Variants in EPPK1 observed in about 807,000 individuals in gnomAD.
EPPK1 encodes the protein epiplakin 1, also known as epiplakin.
For synonymous variants in EPPK1, 1,862 were observed against 1,721.2 expected (o/e 1.08, Z -2.03); for missense variants, 3,823 against 3,673.3 (o/e 1.04, Z -1.05).
At chr8:143,875,965 C>T (rs1218929499) in intron 1 of EPPK1, among the ~76,000 whole-genome samples, 1 of 152,138 alleles carries the variant, frequency 6.6e-6, no homozygotes, top group Non-Finnish European at 1.5e-5. Context: ...CCCCCACTGA[C>T]CTATGATGGA....
upstream of EPPK1, among the ~76,000 whole-genome samples, chr8:143,878,841 C>T (rs116641507): frequency 4.7e-3 from 709 of 152,244 alleles, 8 homozygotes; most frequent in African/African-American, 0.016. Context: ...CAGCCCCGAC[C>T]CCACCTTGTC....
chr8:143,878,395 C>CCCGCACCCG (rs71318630), intron 1 of EPPK1, 43 bp downstream of exon 1: 38,715 of 82,126 alleles, frequency 0.47, 10,695 homozygotes, highest in Non-Finnish European at 0.52. Flanking sequence ...GCCGCACCTG[C>CCCGCACCCG]CCGCACCCGC....
intron 1 of EPPK1, 104 bp from the exon 2 acceptor site, chr8:143,873,402 AC>A (rs1415988188): frequency 5.0e-6 from 4 of 804,354 alleles, no homozygotes; most frequent in Non-Finnish European, 7.1e-6. Context: ...GCTGGGCTCC[AC>A]CCACAGACGT....
intron 1 of EPPK1, among the ~76,000 whole-genome samples, chr8:143,878,202 G>T (rs1336216402): frequency 1.1e-4 from 17 of 150,274 alleles, no homozygotes; most frequent in African/African-American, 4.1e-4. Context: ...CGCCACTTCG[G>T]ACTCGGAGCT....
rs782675374 is a variant in EPPK1, at chr8:143,871,043, G to A, written c.2211C>T (p.Arg737=). 4.2e-5 allele frequency: 67 copies of A among 1,613,008 alleles called. No homozygotes were observed. Among genetic ancestry groups the A allele is most frequent in the Non-Finnish European group, 5.2e-5 (61 of 1,179,984 alleles). Residue 737 remains arginine (R), a synonymous_variant, in exon 2 of 2, where the codon CGC becomes CGT. Coordinates refer to ENST00000615648, the MANE Select transcript of EPPK1 (RefSeq NM_031308.4). The part of the protein sequence containing the change: ...GGVIDPVHSH[R]VPVDVAYRRG... Reference sequence around the variant, plus strand: ...GCCGGTAGGCCACGTCCACGGGCACGCGGTGGCTGTGCACGGGGTCGATGA... The same window carrying A: ...GCCGGTAGGCCACGTCCACGGGCACACGGTGGCTGTGCACGGGGTCGATGA...
chr8:143,870,595 C>T lies in EPPK1; in HGVS notation c.2659G>A (p.Val887Ile), dbSNP rs782207092. 3.4e-5 allele frequency: 55 copies of T among 1,608,648 alleles called. 1 individual carries two copies. The South Asian group carries it at 5.6e-4, about 17-fold the overall frequency. Residue 887 changes from valine (V) to isoleucine (I), a missense_variant, in exon 2 of 2, where the codon GTC becomes ATC. Coordinates refer to ENST00000615648, the MANE Select transcript of EPPK1 (RefSeq NM_031308.4). This position sits in a 1 kb window ranked among gnomAD's most constrained non-coding sequence, Gnocchi z 5.2. ...DIMLPALRSR[V>I]TVHQLLEAGI... ...GCCTCCAGGAGCTGGTGGACGGTGA[C>T]CCGGCTCCGCAGTGCGGGCAGCATG...
chr8:143,871,763 G>A lies in EPPK1; in HGVS notation c.1491C>T (p.Thr497=), dbSNP rs555306831. 28 of 1,610,734 alleles carry A rather than the reference G, an allele frequency of 1.7e-5. No individual in the cohort carries two copies. The highest frequency in any genetic ancestry group is 5.0e-5 in the Admixed American group (3 of 59,932). Residue 497 remains threonine (T), a synonymous_variant, in exon 2 of 2, where the codon ACC becomes ACT. Transcript: ENST00000615648. ...GGCCCCGGAACTTCCCCACAGAGAC[G>A]GTGGCTGTGGCCGTGCTCAGGGCCT... ...TRQALSTATA[T]VSVGKFRGRP...
In EPPK1 at chr8:143,871,651, TC is replaced by T; in HGVS notation, c.1602del (p.Thr535ProfsTer11). ...GCGGCCAGCTTCTCCACGGAGAGGG[TC>T]CCTTCCTGGTACTGCTGGGCCAGCA... ...RAMLAQQYQE[G>X]TLSVEKLAAK... is the part of the protein sequence containing the mutation. On this transcript the variant is annotated frameshift_variant, in exon 2 of 2. Transcript: ENST00000615648. LOFTEE classifies it low-confidence loss of function (END_TRUNC). The T allele has an allele frequency of 6.2e-7, 1 of 1,602,418 alleles. No individual in the cohort carries two copies. Among genetic ancestry groups the T allele is most frequent in the Non-Finnish European group, 8.5e-7 (1 of 1,176,216 alleles).
rs373279236 is a variant in EPPK1, at chr8:143,869,762, G to A, written c.3492C>T (p.Asp1164=). The change falls in exon 2 of 2, where the codon GAC becomes GAT. Residue 1164 remains aspartate, a synonymous_variant. Coordinates refer to ENST00000615648, the MANE Select transcript of EPPK1 (RefSeq NM_031308.4). ...GCACAGTGGTCCTCCCCTCCTGCAC[G>A]TCCTCCAGCAGGCCCCTCCGTTGCT... ...TEEQRRGLLE[D]VQEGRTTVPQ... 406 of 1,602,906 alleles carry A rather than the reference G, an allele frequency of 2.5e-4. 1 individual carries two copies. Among genetic ancestry groups the A allele is most frequent in the Admixed American group, 5.8e-4 (34 of 58,798 alleles).
rs782165365 is a variant in EPPK1, at chr8:143,872,617, G to A, written c.637C>T (p.Gln213Ter). The A allele has an allele frequency of 3.1e-6, 5 of 1,610,466 alleles. No individual in the cohort carries two copies. The South Asian group carries it at 4.4e-5, about 14-fold the overall frequency. Residue 213 changes from glutamine (Q) to a stop codon, truncating the protein, a stop_gained, in exon 2 of 2, where the codon CAG becomes TAG. Transcript: ENST00000615648. LOFTEE classifies it low-confidence loss of function (END_TRUNC). ...PNTLERLTYH[Q>*]LLERCVRAPG... ...GCACGCACACACCTTTCCAGCAGCTGGTGGTATGTCAGCCGCTCCAGCGTG... is the reference window on the plus strand; with the variant it reads ...GCACGCACACACCTTTCCAGCAGCTAGTGGTATGTCAGCCGCTCCAGCGTG...
rs533349686 is a variant in EPPK1 at position 143,867,028 on chromosome 8, CT to C, written c.6225del (p.Glu2076ArgfsTer10). On this transcript the variant is annotated frameshift_variant, in exon 2 of 2. Coordinates refer to ENST00000615648, the MANE Select transcript of EPPK1 (RefSeq NM_031308.4). LOFTEE classifies it low-confidence loss of function (END_TRUNC). ...GGGAACAGCAGCCAGCCCGTGTCCT[CT>C]TGTGGGCGGCACCTCTCCTGCAGCT... ...YRELQERCRPQEDTGWLLFPV... is the reference protein window; with the variant it reads ...YRELQERCRPXEDTGWLLFPV... 1.2e-6 allele frequency: 2 copies of C among 1,612,854 alleles called. No homozygotes were observed. The highest frequency in any genetic ancestry group is 2.2e-5 in the South Asian group (2 of 91,070).
chr8:143,857,796 T>C lies in EPPK1; in HGVS notation c.*191A>G, dbSNP rs551380903. On this transcript the variant is annotated 3_prime_UTR_variant, in exon 2 of 2. Coordinates refer to ENST00000615648, the MANE Select transcript of EPPK1 (RefSeq NM_031308.4). ...CCCAGAAAACACACCAAAAAACTTA[T>C]GAAACACCTCGATGGACAAAGGAAA... 8 of 505,568 alleles carry C rather than the reference T, an allele frequency of 1.6e-5. No individual in the cohort carries two copies. The East Asian group carries it at 2.2e-4, about 14-fold the overall frequency. 31.3% of individuals were successfully genotyped at this position (505,568 alleles called of 1,614,324 possible).
At position 143,872,873 on chromosome 8, in the gene EPPK1, G is replaced by A. The variant is rs781861454; in HGVS notation, c.381C>T (p.Gly127=). Residue 127 remains glycine, a synonymous_variant, in exon 2 of 2, where the codon GGC becomes GGT. Coordinates refer to ENST00000615648, the MANE Select transcript of EPPK1 (RefSeq NM_031308.4). ...RATTGYPDPY[G]GEKLALFQAI... ...CCTGAAAGAGGGCCAGCTTCTCACC[G>A]CCGTAGGGGTCAGGATAGCCCGTAG... The A allele has an allele frequency of 2.1e-5, 33 of 1,582,498 alleles. No individual in the cohort carries two copies. Among genetic ancestry groups the A allele is most frequent in the East Asian group, 2.0e-4 (9 of 44,560 alleles).
chr8:143,867,675 A>G lies in EPPK1; in HGVS notation c.5579T>C (p.Phe1860Ser). Residue 1860 changes from phenylalanine to serine, a missense_variant, in exon 2 of 2, where the codon TTC becomes TCC. By Grantham distance (155) the Phe-to-Ser change is radical (BLOSUM62 -2). Transcript: ENST00000615648. ...IRGEVTAADL[F>S]NSRVIDQKTL... ...CTTCTGATCGATGACCCTGGAGTTGAACAGGTCTGCAGCTGTCACCTCCCC... is the reference window on the plus strand; with the variant it reads ...CTTCTGATCGATGACCCTGGAGTTGGACAGGTCTGCAGCTGTCACCTCCCC... 6.2e-7 allele frequency: 1 copy of G among 1,613,500 alleles called. No individual in the cohort carries two copies. Among genetic ancestry groups the G allele is most frequent in the Non-Finnish European group, 8.5e-7 (1 of 1,179,848 alleles).
chr8:143,867,405 G>A lies in EPPK1; in HGVS notation c.5849C>T (p.Ser1950Phe), dbSNP rs781882643. 1.6e-5 allele frequency: 26 copies of A among 1,612,752 alleles called. No individual in the cohort carries two copies. In the African/African-American group the frequency reaches 3.2e-4, roughly 20 times the overall value. ...LLDPCTRQKL[S>F]VDEAVDVGLV... ...GCCCACATCCACAGCCTCATCCACA[G>A]AGAGCTTCTGGCGGGTGCAGGGGTC... The change falls in exon 2 of 2, where the codon TCT becomes TTT. Residue 1950 changes from serine to phenylalanine, a missense_variant. Coordinates refer to ENST00000615648, the MANE Select transcript of EPPK1 (RefSeq NM_031308.4).
In EPPK1 at chr8:143,871,366, G is replaced by A. The variant is rs782377478; in HGVS notation, c.1888C>T (p.Arg630Ter). 78 of 1,608,296 alleles carry A rather than the reference G, an allele frequency of 4.8e-5. No individual in the cohort carries two copies. The highest frequency in any genetic ancestry group is 6.1e-5 in the Non-Finnish European group (72 of 1,178,336). ...SQERLSIYEARCKGLLRPGTA... is the reference protein window; with the variant it reads ...SQERLSIYEA ...CCGGGCCGGAGGAGCCCCTTGCATC[G>A]GGCCTCATAGATGCTCAGGCGTTCC... Residue 630 changes from arginine to a stop codon, truncating the protein, a stop_gained, in exon 2 of 2, where the codon CGA becomes TGA. Transcript: ENST00000615648. LOFTEE classifies it low-confidence loss of function (END_TRUNC).
At chr8:143,877,389 G>A (rs1427244059) in intron 1 of EPPK1, among the ~76,000 whole-genome samples, 2 of 152,196 alleles carry the variant, frequency 1.3e-5, no homozygotes, top group African/African-American at 4.8e-5. Context: ...CTGCTGCCTA[G>A]GAGAGCACGG....
Position 143,873,119 on chromosome 8 carries a change from C to A in EPPK1, c.135G>T (p.Gly45=). Residue 45 remains glycine, a synonymous_variant, in exon 2 of 2, where the codon GGG becomes GGT. Coordinates refer to ENST00000615648, the MANE Select transcript of EPPK1 (RefSeq NM_031308.4). ...PPRPQARSIA[G]VYVEASGQAQ... ...CCTGGCCCGAGGCCTCCACATACAC[C>A]CCAGCTATGCTCCTGGCCTGGGGCC... 1 of 1,573,902 alleles carries A rather than the reference C, an allele frequency of 6.4e-7. No individual in the cohort carries two copies.
rs1554660051 is a variant in EPPK1 at position 143,868,720 on chromosome 8, C to T, written c.4534G>A (p.Ala1512Thr). 5 of 1,578,450 alleles carry T rather than the reference C, an allele frequency of 3.2e-6. No homozygotes were observed. In the African/African-American group the frequency reaches 4.0e-5, roughly 13 times the overall value. Reference sequence around the variant, plus strand: ...GTGGCCTGCAGGGGCTGCCTCTCTGCAGCCTCGACCAGGGTGGTGACTGCG... The same window carrying T: ...GTGGCCTGCAGGGGCTGCCTCTCTGTAGCCTCGACCAGGGTGGTGACTGCG... ...VSAVTTLVEA[A>T]ERQPLQATFR... Residue 1512 changes from alanine (A) to threonine (T), a missense_variant, in exon 2 of 2, where the codon GCA becomes ACA. Physicochemically the swap from Ala to Thr is moderately conservative, Grantham distance 58. Transcript: ENST00000615648.
Sources: gnomAD v4.1 joint callset for allele counts (sites outside exome capture counted in the v4.1 genomes callset) on GRCh38, gnomAD v4.1.1 for gene constraint, Gnocchi (gnomAD v3.1) non-coding constraint, MANE v1.5 for transcripts, NCBI Gene and HGNC (gene_info 2026-07-23, HGNC 2026-07-21) for gene names.